Variants in MBNL2 observed in about 807,000 individuals in gnomAD.
MBNL2 encodes the protein muscleblind like splicing regulator 2, also known as muscleblind-like protein 2.
Under a neutral mutation model 41.9 loss-of-function variants are expected in MBNL2, and 17 were observed. The ratio of observed to expected loss-of-function variants is 0.41; its 90% CI spans 0.28 to 0.61. The LOEUF (loss-of-function observed/expected upper bound fraction) is 0.61, where lower values mean the gene tolerates loss of function less well. Ranked by LOEUF, MBNL2 falls within the 20% of genes least tolerant of loss-of-function variation. MBNL2 has a pLI of 0.35. For synonymous variants in MBNL2, 195 were observed against 182.9 expected, an observed-to-expected ratio of 1.07 and a Z score of -0.53; for missense variants, 336 against 505.6, an observed-to-expected ratio of 0.66 and a Z score of 3.22.
At chr13:97,263,673 G>A (rs190482288) in intron 1 of MBNL2, among the ~76,000 whole-genome samples, 11 of 151,428 alleles carry the variant, frequency 7.3e-5, no homozygotes, top group Admixed American at 4.6e-4. Context: ...GCTGGAGTGC[G>A]GTGGTGCTAT....
chr13:97,311,691 T>C lies in MBNL2; in HGVS notation c.175-22585T>C, dbSNP rs112030640. ...TTTAAAAAAAAACCATGTGTAGATG[T>C]GTGGTGCTCATGCAGAAGTCCTCCT... On this transcript the variant is annotated intron_variant, in intron 2 of 8. Transcript: ENST00000679496. Among the ~76,000 whole-genome samples, 32 of 151,272 alleles carry C rather than the reference T, an allele frequency of 2.1e-4. 4 individuals are homozygous for C. Among genetic ancestry groups the C allele is most frequent in the African/African-American group, 7.8e-4 (32 of 41,174 alleles).
intron 1 of MBNL2, among the ~76,000 whole-genome samples, chr13:97,224,879 G>A (rs1407932514): frequency 6.6e-6 from 1 of 152,096 alleles, no homozygotes; most frequent in Admixed American, 6.5e-5. Context: ...TTTTTCCATC[G>A]ATCTAATCTA....
At position 97,347,140 on chromosome 13, in the gene MBNL2, T is replaced by C; in HGVS notation, c.804+73T>C. Reference sequence around the variant, plus strand: ...GCCGCTCCGGGCTGGGACTTGGATGTTCTTCCAAACACTCGGGAAACATGG... The same window carrying C: ...GCCGCTCCGGGCTGGGACTTGGATGCTCTTCCAAACACTCGGGAAACATGG... On this transcript the variant is annotated intron_variant, in intron 5 of 8. Coordinates refer to ENST00000679496, the MANE Select transcript of MBNL2 (RefSeq NM_001382683.1). The C allele has an allele frequency of 3.4e-6, 4 of 1,182,858 alleles. No individual in the cohort carries two copies. The South Asian group carries it at 6.6e-5, about 19-fold the overall frequency. 73.3% of individuals were successfully genotyped at this position (1,182,858 alleles called of 1,614,324 possible).
the MBNL2 span, among the ~76,000 whole-genome samples, chr13:97,147,610 A>G: frequency 6.6e-6 from 1 of 152,200 alleles, no homozygotes; most frequent in Admixed American, 6.5e-5. Flanking sequence ...TTGTAAAAAT[A>G]TAATAGAGCC....
chr13:97,164,630 T>C, the MBNL2 span, among the ~76,000 whole-genome samples: 1 of 152,202 alleles, frequency 6.6e-6, no homozygotes, highest in African/African-American at 2.4e-5. Flanking sequence ...AAACTTTTTT[T>C]TTTTGGTAAA....
chr13:97,163,180 T>TC, the MBNL2 span, among the ~76,000 whole-genome samples: 1 of 152,222 alleles, frequency 6.6e-6, no homozygotes, highest in African/African-American at 2.4e-5. Context: ...GCTTGAAGGA[T>TC]AACATCTTTG....
chr13:97,357,362 G>A lies in MBNL2; in HGVS notation c.859-120G>A, dbSNP rs530058813. The A allele has an allele frequency of 2.7e-5, 21 of 789,394 alleles. No individual in the cohort carries two copies. The East Asian group carries it at 5.3e-4, about 20-fold the overall frequency. 48.9% of individuals were successfully genotyped at this position (789,394 alleles called of 1,614,324 possible). On this transcript the variant is annotated intron_variant, in intron 6 of 8. Transcript: ENST00000679496. ...TGCCGCTGTTTAAATTAAGGTGCAT[G>A]GCAGAGGCATCTCCTTAGCTGTCAT... is the stretch of plus-strand genomic sequence containing the variant.
intron 8 of MBNL2, among the ~76,000 whole-genome samples, chr13:97,368,700 TTGTGTGTG>T (rs140107508): frequency 6.1e-5 from 9 of 148,270 alleles, no homozygotes; most frequent in East Asian, 4.0e-4. Context: ...ATATTCAAGT[TTGTGTGTG>T]TGTGTGTGTG....
chr13:97,204,157 C>A, the MBNL2 span, among the ~76,000 whole-genome samples: 1 of 152,182 alleles, frequency 6.6e-6, no homozygotes, highest in African/African-American at 2.4e-5. Context: ...AGCAGCAACA[C>A]ACGTACTCTT....
chr13:97,332,868 G>C (rs992686827), intron 2 of MBNL2, among the ~76,000 whole-genome samples: 1 of 152,208 alleles, frequency 6.6e-6, no homozygotes, highest in Non-Finnish European at 1.5e-5. Context: ...CCTCCCCAAA[G>C]AGGGTGACGC....
intron 1 of MBNL2, among the ~76,000 whole-genome samples, chr13:97,256,660 T>G (rs899952987): frequency 6.6e-6 from 1 of 152,182 alleles, no homozygotes; most frequent in Non-Finnish European, 1.5e-5. Flanking sequence ...ACGAGTGTTC[T>G]GTTTTAAGTC....
chr13:97,331,902 T>C (rs1038696695), intron 2 of MBNL2, among the ~76,000 whole-genome samples: 2 of 152,364 alleles, frequency 1.3e-5, no homozygotes, highest in South Asian at 4.1e-4. Context: ...TGGTTCCCTA[T>C]GAGTCCCAGT....
chr13:97,319,032 G>A (rs2059282864), intron 2 of MBNL2, among the ~76,000 whole-genome samples: 1 of 152,164 alleles, frequency 6.6e-6, no homozygotes, highest in African/African-American at 2.4e-5. Flanking sequence ...CTCAGAAAGG[G>A]TGAGTGAGCA....
intron 7 of MBNL2, among the ~76,000 whole-genome samples, chr13:97,359,174 T>G (rs1255094180): frequency 6.6e-6 from 1 of 152,146 alleles, no homozygotes; most frequent in Non-Finnish European, 1.5e-5. Context: ...ATAACACATT[T>G]GTAAAATAAT....
chr13:97,146,681 A>T, the MBNL2 span, among the ~76,000 whole-genome samples: 11 of 152,080 alleles, frequency 7.2e-5, no homozygotes, highest in Non-Finnish European at 1.6e-4. Flanking sequence ...TAGAATATTC[A>T]TTATAATGCA....
At chr13:97,352,771 A>G (rs2062617992) in intron 5 of MBNL2, among the ~76,000 whole-genome samples, 1 of 152,222 alleles carries the variant, frequency 6.6e-6, no homozygotes, top group African/African-American at 2.4e-5. Flanking sequence ...AGTGCAATAA[A>G]ACAACCTATG....
At chr13:97,171,363 A>T in the MBNL2 span, among the ~76,000 whole-genome samples, 5 of 152,334 alleles carry the variant, frequency 3.3e-5, no homozygotes, top group East Asian at 9.6e-4. Context: ...GGAATTTGAA[A>T]GCTGACAGTG....
At chr13:97,263,291 A>G (rs74109410) in intron 1 of MBNL2, among the ~76,000 whole-genome samples, 2,267 of 152,288 alleles carry the variant, frequency 0.015, 62 homozygotes, top group African/African-American at 0.051. Context: ...ATTCTAATGT[A>G]TCCTAGGTGG....
At chr13:97,321,250 A>C (rs1308826183) in intron 2 of MBNL2, among the ~76,000 whole-genome samples, 1 of 152,210 alleles carries the variant, frequency 6.6e-6, no homozygotes, top group East Asian at 1.9e-4. Flanking sequence ...GATGGGCAGC[A>C]GCCAATCAGA....
Sources: gnomAD v4.1 joint callset for allele counts (sites outside exome capture counted in the v4.1 genomes callset) on GRCh38, gnomAD v4.1.1 for gene constraint, MANE v1.5 for transcripts, NCBI Gene and HGNC (gene_info 2026-07-23, HGNC 2026-07-21) for gene names.